Variants in GTF3C5 observed in about 807,000 individuals in gnomAD.
GTF3C5 encodes the protein general transcription factor 3C polypeptide 5.
A neutral mutation model predicts 61.0 loss-of-function variants in GTF3C5; 47 were observed. That is an observed-to-expected ratio of 0.77 (90% CI 0.61 to 0.98). The LOEUF is 0.98. Ranked by LOEUF, GTF3C5 falls within the 50% of genes least tolerant of loss-of-function variation. The pLI is 0.00. For synonymous variants in GTF3C5, 295 were observed against 275.4 expected (o/e 1.07, Z -0.71); for missense variants, 659 against 703.3 (o/e 0.94, Z 0.71).
chr9:133,039,069 G>T (rs115240776), intron 1 of GTF3C5, among the ~76,000 whole-genome samples: 3,017 of 152,210 alleles, frequency 0.02, 104 homozygotes, highest in African/African-American at 0.069. Flanking sequence ...TGTATTTTAC[G>T]GGGGAAGGAA....
intron 3 of GTF3C5, among the ~76,000 whole-genome samples, chr9:133,047,487 C>A (rs528670245): frequency 2.0e-5 from 3 of 151,688 alleles, no homozygotes; most frequent in Admixed American, 2.0e-4. Context: ...ATTGTACTCA[C>A]TATAAGAGTT....
Position 133,056,674 on chromosome 9 carries a change from T to C in GTF3C5, c.1251-92T>C, listed in dbSNP as rs766225867. On this transcript the variant is annotated intron_variant, in intron 9 of 10. Transcript: ENST00000372097. ...CTCACGGGGCTGCCTTTGATCTCAG[T>C]ACAGCTCTGCCTCTGGCAAAAACCA... The C allele has an allele frequency of 1.3e-4, 169 of 1,283,952 alleles. 1 individual carries two copies. Among genetic ancestry groups the C allele is most frequent in the Non-Finnish European group, 1.7e-4 (163 of 936,672 alleles). The allele number at this position is 1,283,952 out of a possible 1,614,324, so 79.5% of individuals were successfully genotyped here.
intron 3 of GTF3C5, among the ~76,000 whole-genome samples, chr9:133,047,905 G>A (rs1201824895): frequency 6.6e-6 from 1 of 152,156 alleles, no homozygotes; most frequent in African/African-American, 2.4e-5. Flanking sequence ...TGGGAGGATC[G>A]CTTGAGCCCA....
intron 7 of GTF3C5, 88 bp downstream of exon 7, chr9:133,054,576 G>C: frequency 6.9e-7 from 1 of 1,446,152 alleles, no homozygotes; most frequent in South Asian, 1.2e-5. Flanking sequence ...GTGGTTCCTG[G>C]GGGTCACTCC....
chr9:133,044,013 T>C, intron 3 of GTF3C5, 87 bp downstream of exon 3: 2 of 927,528 alleles, frequency 2.2e-6, no homozygotes, highest in Admixed American at 2.1e-5. Context: ...GGCGTGGTGG[T>C]GCACACCTGT....
intron 5 of GTF3C5, 107 bp from the exon 6 acceptor site, chr9:133,053,721 C>T: frequency 1.5e-6 from 1 of 651,462 alleles, no homozygotes; most frequent in Non-Finnish European, 2.6e-6. Context: ...CATCCAGAGC[C>T]CTGTCCCCAG....
At chr9:133,030,751 T>C, upstream of GTF3C5, 2 of 588,642 alleles carry the variant, frequency 3.4e-6, no homozygotes, top group Non-Finnish European at 6.2e-6. Context: ...TAGGAGAGAC[T>C]GGTGCTTGCC....
chr9:133,055,893 C>T (rs1829923258), intron 8 of GTF3C5, 119 bp from the exon 9 acceptor site: 1 of 1,482,928 alleles, frequency 6.7e-7, no homozygotes, highest in East Asian at 2.4e-5. Context: ...GCCCAACCTG[C>T]TCCTGGTGAC....
intron 3 of GTF3C5, among the ~76,000 whole-genome samples, chr9:133,049,534 G>A (rs1345593138): frequency 2.6e-5 from 4 of 152,182 alleles, no homozygotes; most frequent in Non-Finnish European, 5.9e-5. Context: ...GATGATGTCC[G>A]AGACCTACTT....
Position 133,053,754 on chromosome 9 carries a change from C to A in GTF3C5, c.874-74C>A, listed in dbSNP as rs1454161226. The A allele has an allele frequency of 4.5e-6, 4 of 892,050 alleles. No homozygotes were observed. In the African/African-American group the frequency reaches 6.7e-5, roughly 15 times the overall value. The allele number at this position is 892,050 out of a possible 1,614,324, so 55.3% of individuals were successfully genotyped here. On this transcript the variant is annotated intron_variant, in intron 5 of 10. Transcript: ENST00000372097. ...CAGCTCCTGAGCTCTTCTGCTGCCT[C>A]ACTGTAGGCTCTGGCCCGTCCAGGG...
intron 1 of GTF3C5, among the ~76,000 whole-genome samples, chr9:133,039,692 C>T (rs1469257419): frequency 6.6e-6 from 1 of 152,228 alleles, no homozygotes; most frequent in Non-Finnish European, 1.5e-5. Context: ...GCATATGAAT[C>T]TGCCGGGATC....
chr9:133,047,070 C>T (rs899825439), intron 3 of GTF3C5, among the ~76,000 whole-genome samples: 4 of 152,180 alleles, frequency 2.6e-5, no homozygotes, highest in Non-Finnish European at 5.9e-5. Flanking sequence ...TTCTGCTCCT[C>T]TCCACCCCCA....
At chr9:133,044,134 G>A in intron 3 of GTF3C5, 5 of 157,052 alleles carry the variant, frequency 3.2e-5, no homozygotes, top group South Asian at 3.5e-4. Flanking sequence ...GACAGAGTGA[G>A]ACTTTGTCTC....
intron 1 of GTF3C5, among the ~76,000 whole-genome samples, chr9:133,037,452 C>T (rs1212352808): frequency 6.6e-6 from 1 of 152,132 alleles, no homozygotes; most frequent in East Asian, 1.9e-4. Context: ...CCTATTCTGC[C>T]TTCTAAGGGG....
intron 8 of GTF3C5, chr9:133,055,242 G>C: frequency 2.0e-6 from 3 of 1,486,238 alleles, no homozygotes; most frequent in Non-Finnish European, 2.7e-6. Context: ...TGCCCAGCGG[G>C]GGTTGGCGGT....
chr9:133,056,239 C>T, intron 9 of GTF3C5, 145 bp downstream of exon 9: 1 of 679,886 alleles, frequency 1.5e-6, no homozygotes, highest in South Asian at 1.8e-5. Flanking sequence ...TGCCGAGAGC[C>T]CTGGCATGCT....
rs368445612 is a variant in GTF3C5 at position 133,056,918 on chromosome 9, G to A, written c.1393+10G>A. On this transcript the variant is annotated intron_variant, in intron 10 of 10. Transcript: ENST00000372097. ...CGCTCCAAGAGGCCTGGTAAGAGCC[G>A]CTTGGGGTAAAGGGGGTCCAGGATG... The A allele has an allele frequency of 9.5e-6, 15 of 1,585,968 alleles. No individual in the cohort carries two copies. The highest frequency in any genetic ancestry group is 5.4e-5 in the African/African-American group (4 of 73,754).
rs542399486 is a variant in GTF3C5, at chr9:133,049,673, G to A, written c.573-1110G>A. On this transcript the variant is annotated intron_variant, in intron 3 of 10. Transcript: ENST00000372097. ...CAGTTTGGTGTCCAACCTTAAAGAC[G>A]TAACTACTACAAATATTTTGAGAAA... Among the ~76,000 whole-genome samples, 41 of 152,276 alleles carry A rather than the reference G, an allele frequency of 2.7e-4. 1 individual carries two copies. The East Asian group carries it at 7.3e-3, about 27-fold the overall frequency.
intron 9 of GTF3C5, among the ~76,000 whole-genome samples, 166 bp downstream of exon 9, chr9:133,056,260 G>A (rs535151124): frequency 1.3e-5 from 2 of 152,314 alleles, no homozygotes; most frequent in African/African-American, 2.4e-5. Flanking sequence ...GGTGGCCCTC[G>A]TAGAGGCGGT....
Sources: allele counts gnomAD v4.1 joint callset (sites outside exome capture counted in the v4.1 genomes callset), GRCh38; gene constraint gnomAD v4.1.1; transcripts MANE v1.5; gene names NCBI Gene and HGNC (gene_info 2026-07-23, HGNC 2026-07-21).